The following KPNA4 variants were observed in gnomAD, a reference collection of about 807,000 sequenced individuals.
KPNA4 encodes the protein karyopherin subunit alpha 4.
A neutral mutation model predicts 71.3 loss-of-function variants in KPNA4; 13 were observed. The ratio of observed to expected loss-of-function variants is 0.18; its 90% confidence interval spans 0.12 to 0.29. The LOEUF is 0.29. Ranked by LOEUF, KPNA4 falls within the 10% of genes least tolerant of loss-of-function variation. The pLI, the probability that KPNA4 is intolerant of heterozygous loss-of-function variation, is 1.00. For synonymous variants in KPNA4, 189 were observed against 195.2 expected, an observed-to-expected ratio of 0.97 and a Z score of 0.26; for missense variants, 334 against 603.2, an observed-to-expected ratio of 0.55 and a Z score of 4.67.
Position 160,509,818 on chromosome 3 carries a change from A to G in KPNA4, c.1191T>C (p.Ile397=), listed in dbSNP as rs2305401. 0.048 allele frequency: 77,558 copies of G among 1,608,872 alleles called. 2,207 individuals carry two copies. Among genetic ancestry groups the G allele is most frequent in the Middle Eastern group, 0.074 (442 of 5,976 alleles). Residue 397 remains isoleucine, a synonymous_variant, in exon 14 of 17, where the codon ATT becomes ATC. Transcript: ENST00000334256. ...EAAWAISNLT[I]SGRKDQVAYL... is the part of the protein sequence containing the mutation. ...AACTTACTTGATCTTTCCTTCCACT[A>G]ATTGTTAAGTTACTTATGGCCCAAG...
chr3:160,511,846 AT>A, intron 13 of KPNA4, among the ~76,000 whole-genome samples: 1 of 151,798 alleles, frequency 6.6e-6, no homozygotes, highest in Non-Finnish European at 1.5e-5. Context: ...GTATCCACAG[AT>A]CTATACATAC....
chr3:160,530,833 T>C (rs1471407057), intron 7 of KPNA4, 22 bp downstream of exon 7: 3 of 1,525,082 alleles, frequency 2.0e-6, no homozygotes, highest in Non-Finnish European at 2.7e-6. Flanking sequence ...ATCACAATTA[T>C]GTTTATTAAT....
chr3:160,563,266 A>G (rs1379686767), intron 1 of KPNA4, among the ~76,000 whole-genome samples: 1 of 152,204 alleles, frequency 6.6e-6, no homozygotes, highest in East Asian at 1.9e-4. Context: ...ACATTACACT[A>G]TGTGAAAGAA....
rs537303331 is a variant in KPNA4, at chr3:160,548,086, A to G, written c.70-11246T>C. On this transcript the variant is annotated intron_variant, in intron 1 of 16. Transcript: ENST00000334256. ...TATTGTTGGGTCATATGGTAAGAGTATGTTCAGTTTTGTACTGCCTCTCAA... is the reference window on the plus strand; with the variant it reads ...TATTGTTGGGTCATATGGTAAGAGTGTGTTCAGTTTTGTACTGCCTCTCAA... Among the ~76,000 whole-genome samples, 8 of 152,292 alleles carry G rather than the reference A, an allele frequency of 5.3e-5. No individual in the cohort carries two copies. In the South Asian group the frequency reaches 1.7e-3, roughly 32 times the overall value.
At chr3:160,534,741 G>GAAAAAAAAAAA (rs1721650510) in intron 5 of KPNA4, among the ~76,000 whole-genome samples, 1 of 88,970 alleles carries the variant, frequency 1.1e-5, no homozygotes, top group African/African-American at 3.9e-5. Flanking sequence ...AAAAAGAAAT[G>GAAAAAAAAAAA]TTCAAACAAC....
intron 1 of KPNA4, among the ~76,000 whole-genome samples, chr3:160,551,406 T>C (rs778346219): frequency 2.0e-5 from 3 of 152,206 alleles, no homozygotes; most frequent in East Asian, 1.9e-4. Flanking sequence ...TTCATATGAA[T>C]TGATGTGATT....
intron 11 of KPNA4, 129 bp downstream of exon 11, chr3:160,521,650 C>T (rs1447729439): frequency 9.6e-5 from 81 of 841,088 alleles, no homozygotes; most frequent in Non-Finnish European, 1.4e-4. Flanking sequence ...TTATTTTCCC[C>T]TTTCCATCAC....
intron 7 of KPNA4, among the ~76,000 whole-genome samples, chr3:160,529,911 T>C (rs963173609): frequency 6.8e-6 from 1 of 147,724 alleles, no homozygotes; most frequent in Non-Finnish European, 1.5e-5. Flanking sequence ...AGGCGGATCA[T>C]GAGGTCAGGA....
At chr3:160,537,135 TAA>T (rs1721707001) in intron 1 of KPNA4, among the ~76,000 whole-genome samples, 1 of 150,624 alleles carries the variant, frequency 6.6e-6, no homozygotes, top group East Asian at 2.0e-4. Flanking sequence ...GTACAAAGAA[TAA>T]AAGAGCCCAT....
chr3:160,502,143 A>G lies in KPNA4; in HGVS notation c.1527T>C (p.Asn509=). The G allele has an allele frequency of 6.2e-7, 1 of 1,600,250 alleles. No homozygotes were observed. The highest frequency in any genetic ancestry group is 1.1e-5 in the South Asian group (1 of 89,366). Residue 509 remains asparagine (N), a synonymous_variant, in exon 17 of 17, where the codon AAT becomes AAC. Transcript: ENST00000334256. ...EAIQGGTFGF[N]SSANVPTEGF... ...CTTCTGTTGGTACATTGGCAGATGA[A>G]TTGAAACCAAATGTTCCGCCTTGAA...
chr3:160,535,531 C>G lies in KPNA4; in HGVS notation c.269G>C (p.Ser90Thr). Residue 90 changes from serine to threonine, a missense_variant, in exon 5 of 17, where the codon AGT (serine) becomes ACT (threonine). Transcript: ENST00000334256. ...AACTTACCTAGCAGCTTGAACTGCA[C>G]TTAATTGAATTCCTTGGTTATCACT... ...ASSDNQGIQL[S>T]AVQAARKLLS... 6.2e-7 allele frequency: 1 copy of G among 1,602,542 alleles called. No homozygotes were observed. Among genetic ancestry groups the G allele is most frequent in the Non-Finnish European group, 8.5e-7 (1 of 1,174,282 alleles).
rs1720844019 is a variant in KPNA4 at position 160,499,983 on chromosome 3, G to T, written c.*2121C>A. Reference sequence around the variant, plus strand: ...TAGAGAGAAAACTGAAGCACTGATGGTGTCAACTGGACAAACTCAGTGGGC... The same window carrying T: ...TAGAGAGAAAACTGAAGCACTGATGTTGTCAACTGGACAAACTCAGTGGGC... On this transcript the variant is annotated 3_prime_UTR_variant, in exon 17 of 17. Transcript: ENST00000334256. 6.6e-6 allele frequency: 1 copy of T among 152,068 alleles called. No individual in the cohort carries two copies. The highest frequency in any genetic ancestry group is 2.4e-5 in the African/African-American group (1 of 41,396). 9.4% of individuals were successfully genotyped at this position (152,068 alleles called of 1,614,324 possible).
At chr3:160,528,657 C>T (rs929129455) in intron 7 of KPNA4, among the ~76,000 whole-genome samples, 11 of 152,114 alleles carry the variant, frequency 7.2e-5, no homozygotes, top group Admixed American at 2.0e-4. Flanking sequence ...TGAGCCACTG[C>T]ACCCGGCCTG....
At chr3:160,543,096 GA>G (rs34537921) in intron 1 of KPNA4, among the ~76,000 whole-genome samples, 67,275 of 151,812 alleles carry the variant, frequency 0.44, 16,400 homozygotes, top group Non-Finnish European at 0.55. Flanking sequence ...TGAATTCCCA[GA>G]GTTCTCTATA....
intron 11 of KPNA4, among the ~76,000 whole-genome samples, chr3:160,517,011 T>C (rs1241818985): frequency 1.3e-5 from 2 of 152,010 alleles, no homozygotes; most frequent in Non-Finnish European, 2.9e-5. Flanking sequence ...TTTCAAAGTG[T>C]ACAATTCAGT....
At chr3:160,525,910 CTT>C in intron 9 of KPNA4, 26 bp downstream of exon 9, 1 of 1,536,926 alleles carries the variant, frequency 6.5e-7, no homozygotes, top group African/African-American at 1.4e-5. Context: ...AATGGTATCT[CTT>C]TTAATTTTTT....
chr3:160,537,977 T>A (rs987174631), intron 1 of KPNA4, among the ~76,000 whole-genome samples: 2 of 151,982 alleles, frequency 1.3e-5, no homozygotes. Context: ...CAGAGTCTAG[T>A]ATAATGACAG....
In KPNA4 at chr3:160,496,518, T is replaced by C. The variant is rs1720767577; in HGVS notation, c.*5586A>G. On this transcript the variant is annotated 3_prime_UTR_variant, in exon 17 of 17. Transcript: ENST00000334256. ...AATATTAGAGTAACATAGTCTAGGA[T>C]AGGAATCCATCAGTTATGGAGATCA... 6.6e-6 allele frequency: 1 copy of C among 152,192 alleles called. No homozygotes were observed. Among genetic ancestry groups the C allele is most frequent in the Non-Finnish European group, 1.5e-5 (1 of 68,044 alleles). 9.4% of individuals were successfully genotyped at this position (152,192 alleles called of 1,614,324 possible). A position where few individuals can be genotyped will look rare whatever the true frequency, so the allele number is the denominator to read the frequency against.
chr3:160,550,053 GT>G (rs1560055260), intron 1 of KPNA4, among the ~76,000 whole-genome samples: 1 of 152,002 alleles, frequency 6.6e-6, no homozygotes, highest in Non-Finnish European at 1.5e-5. Context: ...AGAAACAGCT[GT>G]TTTTTTGTAT....
Sources: allele counts gnomAD v4.1 joint callset (sites outside exome capture counted in the v4.1 genomes callset), GRCh38; gene constraint gnomAD v4.1.1; transcripts MANE v1.5; gene names NCBI Gene and HGNC (gene_info 2026-07-23, HGNC 2026-07-21).